C7: variants seen among roughly 807,000 people sequenced by gnomAD.
C7 encodes complement component C7.
A neutral mutation model predicts 104.8 loss-of-function variants in C7; 83 were observed. That is an observed-to-expected ratio of 0.79 (90% CI 0.66 to 0.95). C7 has a LOEUF of 0.95. C7 is among the 40% of genes least tolerant of loss of function. The pLI is 0.00. For synonymous variants in C7, 415 were observed against 360.6 expected (o/e 1.15, Z -1.71); for missense variants, 1,070 against 1,011.2 (o/e 1.06, Z -0.79).
intron 3 of C7, among the ~76,000 whole-genome samples, chr5:40,933,400 C>T (rs535953283): frequency 6.6e-6 from 1 of 152,170 alleles, no homozygotes; most frequent in Non-Finnish European, 1.5e-5. Flanking sequence ...GAGGAAGAGG[C>T]CTGGAAGATG....
At position 40,960,029 on chromosome 5, in the gene C7, A is replaced by G. The variant is rs114760256; in HGVS notation, c.1661+409A>G. ...TAAGCACCCAAAGTGATTACTAAGC[A>G]TTCATTAAAGTTTGTATTACTTTTC... On this transcript the variant is annotated intron_variant, in intron 12 of 17. Transcript: ENST00000313164. Among the ~76,000 whole-genome samples the G allele has an allele frequency of 5.7e-3, 866 of 152,338 alleles. 10 individuals are homozygous for G. The highest frequency in any genetic ancestry group is 0.02 in the African/African-American group (822 of 41,586).
In C7 at chr5:40,959,467, G is replaced by A; in HGVS notation, c.1508G>A (p.Trp503Ter). ...GNQAGGVDGG[W>*]SCWSSWSPCV... The stretch of plus-strand genomic sequence containing the variant: ...CTTGTAGGAGGGGTTGATGGAGGTT[G>A]GAGTTGCTGGTCCTCTTGGAGCCCC... Residue 503 changes from tryptophan (W) to a stop codon, truncating the protein, a stop_gained, in exon 12 of 18, where the codon TGG (tryptophan) becomes TAG (stop). Transcript: ENST00000313164. LOFTEE classifies it high-confidence loss of function. 1 of 1,611,012 alleles carries A rather than the reference G, an allele frequency of 6.2e-7. No individual in the cohort carries two copies. The highest frequency in any genetic ancestry group is 8.5e-7 in the Non-Finnish European group (1 of 1,179,218).
chr5:40,967,784 G>A (rs4307131), intron 14 of C7: 69,365 of 160,270 alleles, frequency 0.43, 15,644 homozygotes, highest in African/African-American at 0.57. Context: ...AGAGACCTGC[G>A]TTTGTGGCTT....
intron 14 of C7, among the ~76,000 whole-genome samples, chr5:40,965,566 C>G (rs1006847301): frequency 1.3e-5 from 2 of 151,666 alleles, no homozygotes; most frequent in Admixed American, 1.3e-4. Flanking sequence ...TCTGATAAAT[C>G]AAGCTTGCTT....
chr5:40,978,160 A>AG (rs554580165), intron 16 of C7, among the ~76,000 whole-genome samples: 7,946 of 140,132 alleles, frequency 0.057, 722 homozygotes, highest in African/African-American at 0.2. Context: ...AAAAAAAAAA[A>AG]GAACCAAAAC....
Position 40,947,713 on chromosome 5 carries a change from C to T in C7, c.850C>T (p.Pro284Ser), listed in dbSNP as rs1255838743. 9 of 1,613,652 alleles carry T rather than the reference C, an allele frequency of 5.6e-6. No individual in the cohort carries two copies. Among genetic ancestry groups the T allele is most frequent in the African/African-American group, 5.3e-5 (4 of 74,900 alleles). ...EPFWKELSHLPSLYDYSAYRR... is the reference protein window; with the variant it reads ...EPFWKELSHLSSLYDYSAYRR... ...ATTCTGGAAGGAGCTTTCCCACCTC[C>T]CCTCTCTGTATGACTACAGTGCCTA... Residue 284 changes from proline to serine, a missense_variant, in exon 8 of 18, where the codon CCC (proline) becomes TCC (serine). Coordinates refer to ENST00000313164, the MANE Select transcript of C7 (RefSeq NM_000587.4).
chr5:40,958,070 G>T lies in C7; in HGVS notation c.1298G>T (p.Cys433Phe). 2 of 1,613,580 alleles carry T rather than the reference G, an allele frequency of 1.2e-6. No homozygotes were observed. The highest frequency in any genetic ancestry group is 8.5e-7 in the Non-Finnish European group (1 of 1,179,652). ...PLYELVKEVPCASVKKLYLKW... is the reference protein window; with the variant it reads ...PLYELVKEVPFASVKKLYLKW... ...TATGAGCTGGTAAAGGAAGTACCTT[G>T]TGCCTCTGTGAAAAAACTATACCTG... Residue 433 changes from cysteine to phenylalanine, a missense_variant, in exon 11 of 18, where the codon TGT becomes TTT. Coordinates refer to ENST00000313164, the MANE Select transcript of C7 (RefSeq NM_000587.4).
intron 2 of C7, among the ~76,000 whole-genome samples, chr5:40,929,269 C>G (rs1739623804): frequency 6.6e-6 from 1 of 152,134 alleles, no homozygotes; most frequent in Admixed American, 6.5e-5. Context: ...AGGGCTCTGA[C>G]AGAAGCCTGC....
At chr5:40,910,805 A>AC (rs1739190701) in intron 1 of C7, among the ~76,000 whole-genome samples, 1 of 141,174 alleles carries the variant, frequency 7.1e-6, no homozygotes, top group Admixed American at 6.8e-5. Flanking sequence ...AAAAAAAAAA[A>AC]CAAAAAAAAA....
rs926168404 is a variant in C7 at position 40,958,056 on chromosome 5, A to C, written c.1284A>C (p.Val428=). The C allele has an allele frequency of 1.9e-6, 3 of 1,613,166 alleles. 1 individual carries two copies. Among genetic ancestry groups the C allele is most frequent in the Non-Finnish European group, 8.5e-7 (1 of 1,179,292 alleles). ...KQKLTPLYEL[V]KEVPCASVKK... ...AGCTGACACCTTTATATGAGCTGGT[A>C]AAGGAAGTACCTTGTGCCTCTGTGA... is the stretch of plus-strand genomic sequence containing the variant. Residue 428 remains valine (V), a synonymous_variant, in exon 11 of 18, where the codon GTA becomes GTC. Coordinates refer to ENST00000313164, the MANE Select transcript of C7 (RefSeq NM_000587.4).
intron 1 of C7, among the ~76,000 whole-genome samples, chr5:40,913,290 A>G (rs1379283298): frequency 6.6e-6 from 1 of 152,140 alleles, no homozygotes; most frequent in Admixed American, 6.6e-5. Context: ...TTCTGATATA[A>G]TGATTTCTTT....
In C7 at chr5:40,981,498, G is replaced by A. The variant is rs751488018; in HGVS notation, c.2457G>A (p.Glu819=). Residue 819 remains glutamate (E), a synonymous_variant, in exon 18 of 18, where the codon GAG becomes GAA. Coordinates refer to ENST00000313164, the MANE Select transcript of C7 (RefSeq NM_000587.4). The stretch of plus-strand genomic sequence containing the variant: ...AGGAGCAGACGATGTCTGAGTGTGA[G>A]GCGGGCGCTCTGAGATGCAGAGGGC... ...NGKEQTMSEC[E]AGALRCRGQS... The A allele has an allele frequency of 4.9e-5, 79 of 1,613,752 alleles. No individual in the cohort carries two copies. The South Asian group carries it at 7.8e-4, about 16-fold the overall frequency.
At chr5:40,969,037 C>A (rs1365684928) in intron 14 of C7, among the ~76,000 whole-genome samples, 4 of 152,082 alleles carry the variant, frequency 2.6e-5, no homozygotes, top group African/African-American at 9.7e-5. Context: ...AGAGAGCGCC[C>A]ATCTACTTCC....
In C7 at chr5:40,934,371, C is replaced by T; in HGVS notation, c.185C>T (p.Pro62Leu). 6.2e-7 allele frequency: 1 copy of T among 1,613,618 alleles called. No homozygotes were observed. The highest frequency in any genetic ancestry group is 8.5e-7 in the Non-Finnish European group (1 of 1,179,680). ...GTGTATGGGCAGTATGGAGGCCAGCCTTGTGTTGGAAATGCTTTTGAAACA... is the reference window on the plus strand; with the variant it reads ...GTGTATGGGCAGTATGGAGGCCAGCTTTGTGTTGGAAATGCTTTTGAAACA... ...VAVYGQYGGQ[P>L]CVGNAFETQS... The change falls in exon 4 of 18, where the codon CCT becomes CTT. Residue 62 changes from proline (P) to leucine (L), a missense_variant. By Grantham distance (98) the Pro-to-Leu change is moderately conservative (BLOSUM62 -3). Coordinates refer to ENST00000313164, the MANE Select transcript of C7 (RefSeq NM_000587.4).
chr5:40,978,122 C>A, intron 16 of C7, among the ~76,000 whole-genome samples: 1 of 138,548 alleles, frequency 7.2e-6, no homozygotes, highest in South Asian at 2.4e-4. Flanking sequence ...GTGACAGAGC[C>A]AGACCCTATC....
rs1332143658 is a variant in C7 at position 40,972,548 on chromosome 5, C to G, written c.2028C>G (p.Ser676Arg). The G allele has an allele frequency of 1.9e-6, 3 of 1,612,646 alleles. No homozygotes were observed. Among genetic ancestry groups the G allele is most frequent in the African/African-American group, 2.7e-5 (2 of 74,888 alleles). Residue 676 changes from serine to arginine, a missense_variant, in exon 15 of 18, where the codon AGC becomes AGG. Transcript: ENST00000313164. ...CTTCAGCATTTCTCTGTGGCTCCAG[C>G]CTTAAGTGGAGTCCTGAGATGAAGA... ...EGPSAFLCGS[S>R]LKWSPEMKNA...
At chr5:40,980,478 G>C (rs1341443892) in intron 17 of C7, 2 of 152,230 alleles carry the variant, frequency 1.3e-5, no homozygotes, top group African/African-American at 2.4e-5. Context: ...GATTTGAAGA[G>C]AATAAAAGAA....
At chr5:40,963,338 T>A (rs903144295) in intron 13 of C7, among the ~76,000 whole-genome samples, 8 of 152,230 alleles carry the variant, frequency 5.3e-5, no homozygotes, top group Non-Finnish European at 7.3e-5. Context: ...GTGATTATGA[T>A]ATACAGCCGC....
At chr5:40,968,311 A>G (rs1259515038) in intron 14 of C7, among the ~76,000 whole-genome samples, 1 of 151,490 alleles carries the variant, frequency 6.6e-6, no homozygotes, top group Admixed American at 6.6e-5. Flanking sequence ...TTTTTAGTAA[A>G]GATGAGGTTT....
Sources: allele counts gnomAD v4.1 joint callset (sites outside exome capture counted in the v4.1 genomes callset), GRCh38; gene constraint gnomAD v4.1.1; transcripts MANE v1.5; gene names NCBI Gene and HGNC (gene_info 2026-07-23, HGNC 2026-07-21).